SAMHD1: variants seen among roughly 807,000 people sequenced by gnomAD.
SAMHD1 encodes SAM and HD domain containing deoxynucleoside triphosphate triphosphohydrolase 1, also known as deoxynucleoside triphosphate triphosphohydrolase SAMHD1.
A neutral mutation model predicts 79.6 loss-of-function variants in SAMHD1; 54 were observed. The ratio of observed to expected loss-of-function variants is 0.68; its 90% confidence interval spans 0.55 to 0.85. The LOEUF is 0.85. Among genes scored for constraint, SAMHD1 ranks in the 40% least tolerant of loss-of-function variants. SAMHD1 has a pLI of 0.00. For missense variants in SAMHD1, 663 were observed against 782.7 expected (o/e 0.85, Z 1.82); for synonymous variants, 260 against 264.1 (o/e 0.98, Z 0.15).
intron 6 of SAMHD1, among the ~76,000 whole-genome samples, chr20:36,919,969 A>G (rs2063495666): frequency 6.6e-6 from 1 of 152,144 alleles, no homozygotes; most frequent in African/African-American, 2.4e-5. Context: ...GAAATCTCCA[A>G]TTGGCCTGTT....
intron 3 of SAMHD1, among the ~76,000 whole-genome samples, chr20:36,938,846 A>AAAAAC (rs900105311): frequency 1.6e-4 from 25 of 152,008 alleles, no homozygotes; most frequent in Admixed American, 7.2e-4. Context: ...ACTCCATCTC[A>AAAAAC]AAAACAAAAC....
intron 4 of SAMHD1, among the ~76,000 whole-genome samples, chr20:36,931,366 G>T (rs1225975060): frequency 1.3e-5 from 2 of 152,092 alleles, no homozygotes; most frequent in Non-Finnish European, 2.9e-5. Flanking sequence ...CTGGGCTCAG[G>T]GGCTCACGCC....
At chr20:36,914,748 T>C (rs912743718) in intron 9 of SAMHD1, among the ~76,000 whole-genome samples, 8 of 151,532 alleles carry the variant, frequency 5.3e-5, no homozygotes, top group Non-Finnish European at 2.9e-5. Context: ...GGCTCACACA[T>C]GTAATACCAG....
rs1338752164 is a variant in SAMHD1 at position 36,911,314 on chromosome 20, T to A, written c.1174A>T (p.Lys392Ter). Reference protein sequence around the residue: ...IDTMITDAFLKADDYIEITGA... With the variant: ...IDTMITDAFL ...GTAATCTCTATGTAGTCATCTGCTT[T>A]GAGGAAAGCATCTGTAATCCTAAAA... Residue 392 changes from lysine to a stop codon, truncating the protein, a stop_gained, in exon 11 of 16, where the codon AAA becomes TAA. Coordinates refer to ENST00000646673, the MANE Select transcript of SAMHD1 (RefSeq NM_015474.4). LOFTEE classifies it high-confidence loss of function. 1 of 1,611,030 alleles carries A rather than the reference T, an allele frequency of 6.2e-7. No homozygotes were observed.
At chr20:36,947,279 G>A (rs2063693092) in intron 1 of SAMHD1, among the ~76,000 whole-genome samples, 3 of 151,612 alleles carry the variant, frequency 2.0e-5, no homozygotes, top group South Asian at 2.1e-4. Flanking sequence ...CAAACCTCCT[G>A]GGAAAGCACT....
chr20:36,916,852 G>C (rs1311131806), intron 8 of SAMHD1, 22 bp from the exon 9 acceptor site: 1 of 1,605,236 alleles, frequency 6.2e-7, no homozygotes, highest in South Asian at 1.1e-5. Flanking sequence ...CCAAAACAGA[G>C]AGATGAAATT....
chr20:36,949,943 A>C (rs750081043), intron 1 of SAMHD1, among the ~76,000 whole-genome samples: 2 of 152,042 alleles, frequency 1.3e-5, no homozygotes, highest in Non-Finnish European at 2.9e-5. Context: ...GAAACTGACC[A>C]GAGGGAGGCA....
chr20:36,951,126 C>T (rs2063730306), intron 1 of SAMHD1, among the ~76,000 whole-genome samples: 2 of 152,258 alleles, frequency 1.3e-5, no homozygotes, highest in African/African-American at 4.8e-5. Flanking sequence ...TCCTCAATCC[C>T]GGGAGCCTGC....
At chr20:36,905,532 T>C (rs1421150576) in intron 11 of SAMHD1, 29 bp from the exon 12 acceptor site, 3 of 1,560,386 alleles carry the variant, frequency 1.9e-6, no homozygotes, top group South Asian at 1.1e-5. Context: ...TTCAGTTATA[T>C]TAAAATAAAA....
At position 36,934,857 on chromosome 20, in the gene SAMHD1, A is replaced by C. The variant is rs550615221; in HGVS notation, c.509+172T>G. On this transcript the variant is annotated intron_variant, in intron 4 of 15. Transcript: ENST00000646673. ...ATTTGTAGTAAAGATGGGGTTTCAC[A>C]ATGTTGGCCAGGCTGGTCTTGAACT... is the stretch of plus-strand genomic sequence containing the variant. 6.4e-4 allele frequency: 384 copies of C among 600,036 alleles called. 2 individuals carry two copies. The highest frequency in any genetic ancestry group is 6.2e-3 in the African/African-American group (336 of 54,082). 37.2% of individuals were successfully genotyped at this position (600,036 alleles called of 1,614,324 possible).
intron 2 of SAMHD1, among the ~76,000 whole-genome samples, chr20:36,944,318 CAAAAA>C (rs34572620): frequency 1.4e-5 from 1 of 71,090 alleles, no homozygotes; most frequent in Admixed American, 1.6e-4. Context: ...GACTTCGTCT[CAAAAA>C]AAAAAAAAAA....
At chr20:36,916,606 A>T (rs985743840) in intron 9 of SAMHD1, 116 bp downstream of exon 9, 7 of 795,356 alleles carry the variant, frequency 8.8e-6, no homozygotes, top group Non-Finnish European at 1.6e-5. Flanking sequence ...TACAAATCCT[A>T]GGAATTAAGT....
At chr20:36,930,508 C>CA (rs1427794777) in intron 5 of SAMHD1, among the ~76,000 whole-genome samples, 8 of 150,600 alleles carry the variant, frequency 5.3e-5, no homozygotes, top group Admixed American at 2.7e-4. Flanking sequence ...AAAAAAACAA[C>CA]AACAAAAAAA....
intron 4 of SAMHD1, chr20:36,934,747 C>T (rs1019548829): frequency 2.9e-5 from 10 of 344,646 alleles, no homozygotes; most frequent in South Asian, 1.9e-4. Context: ...AACCACCAAC[C>T]TCCTGGGTTC....
chr20:36,908,001 A>C (rs1273623354), intron 11 of SAMHD1, among the ~76,000 whole-genome samples: 1 of 151,904 alleles, frequency 6.6e-6, no homozygotes, highest in East Asian at 1.9e-4. Flanking sequence ...TCAGTCTCCG[A>C]GTAGCTGGGA....
At chr20:36,912,635 A>G in intron 9 of SAMHD1, 83 bp from the exon 10 acceptor site, 1 of 979,086 alleles carries the variant, frequency 1.0e-6, no homozygotes, top group Non-Finnish European at 1.6e-6. Flanking sequence ...CAAGGAAGGA[A>G]AAGGGATAGT....
intron 2 of SAMHD1, 112 bp from the exon 3 acceptor site, chr20:36,941,223 T>C: frequency 1.3e-6 from 1 of 750,522 alleles, no homozygotes; most frequent in East Asian, 2.7e-5. Flanking sequence ...GAAGTTAGAT[T>C]GGAAGGAACA....
At chr20:36,949,063 G>A (rs2063714769) in intron 1 of SAMHD1, among the ~76,000 whole-genome samples, 1 of 147,772 alleles carries the variant, frequency 6.8e-6, no homozygotes, top group Non-Finnish European at 1.5e-5. Flanking sequence ...ACAGGAGTTG[G>A]AGACCAGCCT....
chr20:36,940,009 A>C (rs565303963), intron 3 of SAMHD1, among the ~76,000 whole-genome samples: 6 of 152,294 alleles, frequency 3.9e-5, no homozygotes, highest in African/African-American at 1.4e-4. Flanking sequence ...GTTTGACACC[A>C]GCCTGGCCAA....
Sources: allele counts gnomAD v4.1 joint callset (sites outside exome capture counted in the v4.1 genomes callset), GRCh38; gene constraint gnomAD v4.1.1; transcripts MANE v1.5; gene names NCBI Gene and HGNC (gene_info 2026-07-23, HGNC 2026-07-21).